The following LAMB4 variants were observed in gnomAD, a reference collection of about 807,000 sequenced individuals.
LAMB4 encodes laminin subunit beta-4.
Under a neutral mutation model 199.2 loss-of-function variants are expected in LAMB4, and 196 were observed. The ratio of observed to expected loss-of-function variants is 0.98; its 90% CI spans 0.88 to 1.11. The LOEUF is 1.11. Among genes scored for constraint, LAMB4 ranks in the 50% least tolerant of loss-of-function variants. The probability of loss-of-function intolerance (pLI) is 0.00; values close to 1 mark genes in which losing one functional copy is unlikely to be tolerated. For synonymous variants in LAMB4, 744 were observed against 770.6 expected, an observed-to-expected ratio of 0.97 and a Z score of 0.57; for missense variants, 2,080 against 2,171.2, an observed-to-expected ratio of 0.96 and a Z score of 0.83.
chr7:108,076,812 G>A, intron 17 of LAMB4, 132 bp downstream of exon 17: 1 of 894,380 alleles, frequency 1.1e-6, no homozygotes, highest in Non-Finnish European at 1.7e-6. Context: ...ATTTGCAGAT[G>A]CTATTAGGTG....
chr7:108,057,785 G>A (rs1410675879), intron 24 of LAMB4, 47 bp downstream of exon 24: 4 of 1,238,536 alleles, frequency 3.2e-6, no homozygotes, highest in Non-Finnish European at 4.8e-6. Context: ...TCCATGGTAG[G>A]GCCAGGCTGA....
rs746769495 is a variant in LAMB4 at position 108,062,923 on chromosome 7, G to A, written c.3133C>T (p.Pro1045Ser). 6 of 1,608,100 alleles carry A rather than the reference G, an allele frequency of 3.7e-6. No individual in the cohort carries two copies. Among genetic ancestry groups the A allele is most frequent in the African/African-American group, 1.3e-5 (1 of 74,526 alleles). The change falls in exon 23 of 34, where the codon CCT becomes TCT. Residue 1045 changes from proline (P) to serine (S), a missense_variant. Transcript: ENST00000388781. ...AGACAAGGACATGCACCAGTGACAG[G>A]GTCACAGAGGCAAGCTCCCCCACCA... ...PPGGGACLCD[P>S]VTGACPCLPN...
chr7:108,020,720 A>G (rs191307830), downstream of LAMB4, among the ~76,000 whole-genome samples: 1 of 152,236 alleles, frequency 6.6e-6, no homozygotes, highest in Middle Eastern at 3.4e-3. Flanking sequence ...ACTGATCACA[A>G]TTATATCCGA....
intron 22 of LAMB4, among the ~76,000 whole-genome samples, chr7:108,063,542 T>C (rs889162604): frequency 6.6e-6 from 1 of 152,198 alleles, no homozygotes; most frequent in African/African-American, 2.4e-5. Context: ...GGCAAACTAA[T>C]AACACCAGTG....
chr7:108,053,536 G>C (rs1352801274), intron 25 of LAMB4, among the ~76,000 whole-genome samples: 1 of 152,258 alleles, frequency 6.6e-6, no homozygotes, highest in African/African-American at 2.4e-5. Flanking sequence ...AGGAAGTCAG[G>C]AAAGGCTTCA....
At chr7:108,050,834 G>C (rs1236580425) in intron 26 of LAMB4, among the ~76,000 whole-genome samples, 1 of 152,130 alleles carries the variant, frequency 6.6e-6, no homozygotes, top group African/African-American at 2.4e-5. Context: ...ATTCCCTGAA[G>C]ACTTTACTAA....
chr7:108,026,508 G>A lies in LAMB4; in HGVS notation c.5147-2330C>T, dbSNP rs554464851. The A allele has an allele frequency of 2.9e-5, 5 of 170,550 alleles. No homozygotes were observed. The South Asian group carries it at 7.1e-4, about 24-fold the overall frequency. The allele number at this position is 170,550 out of a possible 1,614,324, so 10.6% of individuals were successfully genotyped here. On this transcript the variant is annotated intron_variant, in intron 33 of 33. Transcript: ENST00000388781. ...ACGCAGCTGCTTGAGAAACCCAGGTGAGACCTGTCGAAGAACCAGCCAGGC... is the reference window on the plus strand; with the variant it reads ...ACGCAGCTGCTTGAGAAACCCAGGTAAGACCTGTCGAAGAACCAGCCAGGC...
chr7:108,037,549 C>G lies in LAMB4; in HGVS notation c.4518G>C (p.Val1506=). 6.2e-7 allele frequency: 1 copy of G among 1,614,160 alleles called. No homozygotes were observed. The highest frequency in any genetic ancestry group is 1.1e-5 in the South Asian group (1 of 91,076). The change falls in exon 30 of 34, where the codon GTG becomes GTC. Residue 1506 remains valine, a synonymous_variant. Transcript: ENST00000388781. ...PEDIEKVANG[V]LDIHLPIPSQ... ...ATGGAATTGGTAGGTGAATGTCAAG[C>G]ACACCATTCGCAACCTTCTCGATGT...
chr7:108,115,583 CA>C (rs2038376472), intron 3 of LAMB4, among the ~76,000 whole-genome samples: 1 of 152,100 alleles, frequency 6.6e-6, no homozygotes, highest in Admixed American at 6.6e-5. Context: ...AGGTACACTC[CA>C]GCCTGGGCAG....
chr7:108,070,504 TTCC>T (rs1358217965), intron 17 of LAMB4, among the ~76,000 whole-genome samples: 3 of 152,130 alleles, frequency 2.0e-5, no homozygotes, highest in African/African-American at 7.2e-5. Context: ...AGCCCTCCTC[TTCC>T]TCCTCCTCCT....
At chr7:108,113,999 T>G (rs1477151251) in intron 3 of LAMB4, among the ~76,000 whole-genome samples, 1 of 152,220 alleles carries the variant, frequency 6.6e-6, no homozygotes. Context: ...AAAAGAAGCC[T>G]CCACAGTTGG....
At chr7:108,123,287 T>C in intron 1 of LAMB4, 90 bp from the exon 2 acceptor site, 1 of 726,368 alleles carries the variant, frequency 1.4e-6, no homozygotes, top group Non-Finnish European at 2.3e-6. Context: ...GGTTATCGAA[T>C]GGTTCTTATG....
chr7:108,043,876 C>G lies in LAMB4; in HGVS notation c.4347G>C (p.Gln1449His). The G allele has an allele frequency of 6.2e-7, 1 of 1,602,892 alleles. No homozygotes were observed. The highest frequency in any genetic ancestry group is 8.5e-7 in the Non-Finnish European group (1 of 1,176,390). ...AGGCATTGTTTTTGGAGACTTCTGC[C>G]TGTTCACTTATACTTTCGATCTGGA... Reference protein sequence around the residue: ...LKNQIESISEQAEVSKNNALQ... With the variant: ...LKNQIESISEHAEVSKNNALQ... The change falls in exon 29 of 34, where the codon CAG becomes CAC. Residue 1449 changes from glutamine (Q) to histidine (H), a missense_variant. Gln to His is a conservative substitution (Grantham distance 24, BLOSUM62 0). Transcript: ENST00000388781.
chr7:108,030,927 C>G lies in LAMB4; in HGVS notation c.4871G>C (p.Arg1624Pro). ...GGAAAGTCCATCCTCCAGCCCTGAT[C>G]GCTGCTTTGCTAACTCCAGCTCACT... is the stretch of plus-strand genomic sequence containing the variant. ...MKSELELAKQ[R>P]SGLEDGLSLL... The change falls in exon 32 of 34, where the codon CGA (arginine) becomes CCA (proline). Residue 1624 changes from arginine to proline, a missense_variant. Arg to Pro is a moderately radical substitution (Grantham distance 103). Coordinates refer to ENST00000388781, the MANE Select transcript of LAMB4 (RefSeq NM_007356.3). 1 of 1,614,012 alleles carries G rather than the reference C, an allele frequency of 6.2e-7. No individual in the cohort carries two copies. The highest frequency in any genetic ancestry group is 8.5e-7 in the Non-Finnish European group (1 of 1,179,964).
At chr7:108,012,050 T>C in the LAMB4 span, among the ~76,000 whole-genome samples, 1 of 150,060 alleles carries the variant, frequency 6.7e-6, no homozygotes, top group Non-Finnish European at 1.5e-5. Flanking sequence ...TAATTTTCTA[T>C]TTCTATAAAC....
intron 10 of LAMB4, among the ~76,000 whole-genome samples, chr7:108,101,031 C>T (rs995134430): frequency 4.6e-5 from 7 of 152,058 alleles, no homozygotes; most frequent in South Asian, 4.2e-4. Context: ...ATTCAGGTGG[C>T]CAGTGAATTA....
At chr7:108,039,942 C>T (rs1340338377) in intron 29 of LAMB4, among the ~76,000 whole-genome samples, 1 of 152,116 alleles carries the variant, frequency 6.6e-6, no homozygotes, top group Non-Finnish European at 1.5e-5. Flanking sequence ...AAGAACAAAG[C>T]GTATCCAAAT....
At chr7:108,063,669 G>C (rs2036240481) in intron 22 of LAMB4, 92 bp downstream of exon 22, 1 of 1,138,134 alleles carries the variant, frequency 8.8e-7, no homozygotes, top group East Asian at 2.4e-5. Flanking sequence ...GCTGGGACTG[G>C]CCTAACTGAA....
intron 10 of LAMB4, among the ~76,000 whole-genome samples, chr7:108,100,098 A>T (rs905794363): frequency 3.3e-5 from 5 of 152,236 alleles, no homozygotes; most frequent in African/African-American, 1.2e-4. Flanking sequence ...GAATAATTTA[A>T]TTATGCACAG....
Sources: allele counts gnomAD v4.1 joint callset (sites outside exome capture counted in the v4.1 genomes callset), GRCh38; gene constraint gnomAD v4.1.1; transcripts MANE v1.5; gene names NCBI Gene and HGNC (gene_info 2026-07-23, HGNC 2026-07-21).